The following CCDC88A variants were observed in gnomAD, a reference collection of about 807,000 sequenced individuals.
CCDC88A encodes girdin.
In CCDC88A, 54 loss-of-function variants were observed where a neutral mutation model predicts 234.3. The ratio of observed to expected loss-of-function variants is 0.23; its 90% CI spans 0.19 to 0.29. CCDC88A has a LOEUF of 0.29. CCDC88A is among the 10% of genes least tolerant of loss of function. The pLI, the probability that CCDC88A is intolerant of heterozygous loss-of-function variation, is 1.00. For missense variants in CCDC88A, 1,832 were observed against 2,123.4 expected, an observed-to-expected ratio of 0.86 and a Z score of 2.70; for synonymous variants, 753 against 737.8, an observed-to-expected ratio of 1.02 and a Z score of -0.33.
chr2:55,317,483 G>A lies in CCDC88A; in HGVS notation c.3602+81C>T, dbSNP rs1574079322. The A allele has an allele frequency of 1.8e-6, 2 of 1,137,806 alleles. No individual in the cohort carries two copies. Among genetic ancestry groups the A allele is most frequent in the South Asian group, 4.3e-5 (2 of 46,230 alleles). 70.5% of individuals were successfully genotyped at this position (1,137,806 alleles called of 1,614,324 possible). A position where few individuals can be genotyped will look rare whatever the true frequency, so the allele number is the denominator to read the frequency against. On this transcript the variant is annotated intron_variant, in intron 20 of 32. Transcript: ENST00000436346. The surrounding 1 kb of genome is among the most constrained non-coding windows in gnomAD (Gnocchi z 4.2). Reference sequence around the variant, plus strand: ...TTTCTTATGTAAACTAACATTAGATGTGTTTAATATATAAAATTTATTATA... The same window carrying A: ...TTTCTTATGTAAACTAACATTAGATATGTTTAATATATAAAATTTATTATA...
chr2:55,408,838 A>T (rs1680015084), intron 2 of CCDC88A, among the ~76,000 whole-genome samples: 1 of 152,024 alleles, frequency 6.6e-6, no homozygotes, highest in African/African-American at 2.4e-5. Context: ...CTGGATTGGG[A>T]CCCCTTTCCA....
chr2:55,296,580 A>T, intron 29 of CCDC88A, 57 bp from the exon 30 acceptor site: 1 of 1,501,204 alleles, frequency 6.7e-7, no homozygotes, highest in East Asian at 2.3e-5. Context: ...TTAATACTTC[A>T]TGAGTAATAA....
rs1408440530 is a variant in CCDC88A at position 55,374,870 on chromosome 2, T to A, written c.287A>T (p.Gln96Leu). 1 of 1,605,124 alleles carries A rather than the reference T, an allele frequency of 6.2e-7. No homozygotes were observed. The highest frequency in any genetic ancestry group is 8.5e-7 in the Non-Finnish European group (1 of 1,173,018). Reference protein sequence around the residue: ...IKFYYQETLQQLIMMSLPNVL... With the variant: ...IKFYYQETLQLLIMMSLPNVL... ...ATTTGGCAACGACATCATGATCAAT[T>A]GCTGCAAAGTCTCCTGTAAAAAAAT... is the stretch of plus-strand genomic sequence containing the variant. Residue 96 changes from glutamine to leucine, a missense_variant, in exon 4 of 33, where the codon CAA becomes CTA. Physicochemically the swap from Gln to Leu is moderately radical, Grantham distance 113. Coordinates refer to ENST00000436346, the MANE Select transcript of CCDC88A (RefSeq NM_001365480.1).
At chr2:55,370,637 G>T (rs1438248754) in intron 5 of CCDC88A, among the ~76,000 whole-genome samples, 5 of 57,202 alleles carry the variant, frequency 8.7e-5, no homozygotes, top group African/African-American at 3.0e-4. Context: ...ACGAAACTCT[G>T]TCTCAAAAAA....
In CCDC88A at chr2:55,334,186, A is replaced by G; in HGVS notation, c.2635T>C (p.Ser879Pro). 7.2e-7 allele frequency: 1 copy of G among 1,389,822 alleles called. No homozygotes were observed. The highest frequency in any genetic ancestry group is 9.3e-7 in the Non-Finnish European group (1 of 1,069,810). The allele number at this position is 1,389,822 out of a possible 1,614,324, so 86.1% of individuals were successfully genotyped here. ...TCTAGTTCTTTCAGACGGACACAAGATTCTTTATATATACCAATTTCTTTG... is the reference window on the plus strand; with the variant it reads ...TCTAGTTCTTTCAGACGGACACAAGGTTCTTTATATATACCAATTTCTTTG... Reference protein sequence around the residue: ...LSKEIGIYKESCVRLKELEKE... With the variant: ...LSKEIGIYKEPCVRLKELEKE... The change falls in exon 15 of 33, where the codon TCT becomes CCT. Residue 879 changes from serine to proline, a missense_variant. This residue lies in a region of CCDC88A where 1,282 missense variants were observed against 1,543.6 expected (regional missense o/e 0.83). Transcript: ENST00000436346. This position sits in a 1 kb window ranked among gnomAD's most constrained non-coding sequence, Gnocchi z 6.1.
rs781163390 is a variant in CCDC88A at position 55,339,513 on chromosome 2, G to A, written c.1469C>T (p.Ala490Val). 6.2e-7 allele frequency: 1 copy of A among 1,603,108 alleles called. No individual in the cohort carries two copies. The highest frequency in any genetic ancestry group is 8.5e-7 in the Non-Finnish European group (1 of 1,176,398). Residue 490 changes from alanine (A) to valine (V), a missense_variant, in exon 13 of 33, where the codon GCT (alanine) becomes GTT (valine). Ala to Val is a moderately conservative substitution (Grantham distance 64). Around this residue, in one of 6 missense-constraint regions of CCDC88A, gnomAD observed 1,282 missense variants for 1,543.6 expected, o/e 0.83. Transcript: ENST00000436346. The part of the protein sequence containing the change: ...RTTVDSVEGN[A>V]SKILKMEKEN... ...TTTTTCCATTTTCAGGATTTTGGAA[G>A]CATTGCCTTCTACAGAATCCACAGT...
chr2:55,388,087 T>C (rs866797867), intron 3 of CCDC88A, among the ~76,000 whole-genome samples: 1 of 152,176 alleles, frequency 6.6e-6, no homozygotes, highest in South Asian at 2.1e-4. Context: ...ATACATACTT[T>C]TTCAAGCACA....
At chr2:55,367,962 G>A (rs1292689916) in intron 5 of CCDC88A, among the ~76,000 whole-genome samples, 1 of 152,158 alleles carries the variant, frequency 6.6e-6, no homozygotes, top group Admixed American at 6.5e-5. Flanking sequence ...TATTATGTAG[G>A]TTTTAAGTTC....
intron 3 of CCDC88A, among the ~76,000 whole-genome samples, chr2:55,377,551 C>T (rs7606361): frequency 0.86 from 130,620 of 152,012 alleles, 56,558 homozygotes; most frequent in Admixed American, 0.93. Context: ...CTAAGTCAGA[C>T]GAAAGAGCCT....
chr2:55,403,537 T>C (rs993003772), intron 2 of CCDC88A: 1 of 152,262 alleles, frequency 6.6e-6, no homozygotes, highest in Non-Finnish European at 1.5e-5. Flanking sequence ...TACTAAAATG[T>C]CAGCAGTTTT....
chr2:55,313,899 TGGTAGATTCATTAAAAAA>T lies in CCDC88A; in HGVS notation c.3934-1338_3934-1321del. On this transcript the variant is annotated intron_variant, in intron 22 of 32. Transcript: ENST00000436346. Reference sequence around the variant, plus strand: ...TTGTTAAATTGAAACATAACATATGTGGTAGATTCATTAAAAAACTGAATGCATTTATTTTCTTCCCTG... The same window carrying T: ...TTGTTAAATTGAAACATAACATATGTCTGAATGCATTTATTTTCTTCCCTG... 1.3e-5 allele frequency: 2 copies of T among 152,296 alleles called. 1 individual carries two copies. The allele number at this position is 152,296 out of a possible 1,614,324, so 9.4% of individuals were successfully genotyped here.
intron 8 of CCDC88A, chr2:55,355,232 A>G: frequency 4.6e-6 from 1 of 215,324 alleles, no homozygotes; most frequent in Non-Finnish European, 9.2e-6. Flanking sequence ...ATTAATTTTA[A>G]AAGAGTTATT....
intron 2 of CCDC88A, among the ~76,000 whole-genome samples, chr2:55,410,521 A>C (rs1014980254): frequency 1.3e-5 from 2 of 152,214 alleles, no homozygotes; most frequent in Non-Finnish European, 2.9e-5. Context: ...CCTGGATCTT[A>C]CAAATGTTAG....
At chr2:55,362,506 T>C in intron 6 of CCDC88A, 58 bp from the exon 7 acceptor site, 1 of 1,458,486 alleles carries the variant, frequency 6.9e-7, no homozygotes. Context: ...TAAAAATCTA[T>C]TTCACTATAG....
rs541612461 is a variant in CCDC88A at position 55,290,973 on chromosome 2, A to T, written c.*227T>A. On this transcript the variant is annotated 3_prime_UTR_variant, in exon 33 of 33. Transcript: ENST00000436346. ...TAGTAAGTCCTAAAACCTTTAAAAA[A>T]TTTTGGCAGTTGAATCCAGTAGTGC... The T allele has an allele frequency of 1.3e-5, 2 of 152,678 alleles. No homozygotes were observed. The highest frequency in any genetic ancestry group is 3.9e-4 in the East Asian group (2 of 5,190). The allele number at this position is 152,678 out of a possible 1,614,324, so 9.5% of individuals were successfully genotyped here.
chr2:55,304,043 T>G (rs1156940897), intron 25 of CCDC88A, among the ~76,000 whole-genome samples: 2 of 152,220 alleles, frequency 1.3e-5, no homozygotes, highest in African/African-American at 4.8e-5. Context: ...GAATGGTAGC[T>G]TCTGCCTGTA....
chr2:55,407,425 T>A (rs1679776813), intron 2 of CCDC88A, among the ~76,000 whole-genome samples: 1 of 150,896 alleles, frequency 6.6e-6, no homozygotes. Context: ...GCCAACATGG[T>A]GAAATCCCGT....
chr2:55,307,903 T>G (rs993061793), intron 25 of CCDC88A: 8 of 151,938 alleles, frequency 5.3e-5, no homozygotes, highest in East Asian at 3.9e-4. Context: ...ATTCTCCTGC[T>G]TCAACCTCCT....
intron 29 of CCDC88A, among the ~76,000 whole-genome samples, chr2:55,299,120 C>T (rs1038101392): frequency 3.3e-5 from 5 of 151,054 alleles, no homozygotes; most frequent in Admixed American, 2.0e-4. Context: ...AGGAGAATGG[C>T]TTGAACCTGG....
Sources: gnomAD v4.1 joint callset for allele counts (sites outside exome capture counted in the v4.1 genomes callset) on GRCh38, gnomAD v4.1.1 for gene constraint, gnomAD v4.1.1 regional missense constraint, Gnocchi (gnomAD v3.1) non-coding constraint, MANE v1.5 for transcripts, NCBI Gene and HGNC (gene_info 2026-07-23, HGNC 2026-07-21) for gene names.